Variants in PRPH2 observed in about 807,000 individuals in gnomAD.
The protein encoded by PRPH2 is peripherin-2.
PRPH2 carries 17 observed loss-of-function variants against 31.3 expected under a neutral mutation model. That is an observed-to-expected ratio of 0.54 (90% CI 0.37 to 0.81). The LOEUF (loss-of-function observed/expected upper bound fraction) is 0.81. Among genes scored for constraint, PRPH2 ranks in the 40% least tolerant of loss-of-function variants. The pLI is 0.00. For synonymous variants in PRPH2, 165 were observed against 184.4 expected, an observed-to-expected ratio of 0.89 and a Z score of 0.85; for missense variants, 430 against 439.7, an observed-to-expected ratio of 0.98 and a Z score of 0.20.
At chr6:42,707,205 A>G (rs1204923640) in intron 1 of PRPH2, among the ~76,000 whole-genome samples, 1 of 151,678 alleles carries the variant, frequency 6.6e-6, no homozygotes, top group Non-Finnish European at 1.5e-5. Context: ...CGGCTGAGAT[A>G]TTTTCGTATC....
rs886061403 is a variant in PRPH2, at chr6:42,698,141, G to A, written c.*154C>T. On this transcript the variant is annotated 3_prime_UTR_variant, in exon 3 of 3. Transcript: ENST00000230381. The stretch of plus-strand genomic sequence containing the variant: ...CAACTGTGTGTCAAATGCTTTTAGG[G>A]ACCCTAAACTTAAATTCCACCGTCA... 5.9e-6 allele frequency: 6 copies of A among 1,012,684 alleles called. No homozygotes were observed. The highest frequency in any genetic ancestry group is 6.5e-4 in the Middle Eastern group (2 of 3,056). The allele number at this position is 1,012,684 out of a possible 1,614,324, so 62.7% of individuals were successfully genotyped here. A position where few individuals can be genotyped will look rare whatever the true frequency, so the allele number is the denominator to read the frequency against.
intron 1 of PRPH2, among the ~76,000 whole-genome samples, chr6:42,717,184 A>G (rs1470355828): frequency 1.5e-4 from 23 of 149,714 alleles, no homozygotes; most frequent in Non-Finnish European, 4.5e-5. Context: ...AGGCCAAGGA[A>G]GGTGGATCAC....
chr6:42,698,565 A>G (rs1488292203), intron 2 of PRPH2, 58 bp from the exon 3 acceptor site: 4 of 1,605,800 alleles, frequency 2.5e-6, no homozygotes, highest in Non-Finnish European at 3.4e-6. Flanking sequence ...GAGCTGGACC[A>G]TTAGGAAACC....
intron 1 of PRPH2, chr6:42,711,871 C>T (rs1761653361): frequency 1.0e-6 from 1 of 985,246 alleles, no homozygotes; most frequent in Non-Finnish European, 1.2e-6. Context: ...TTCCTGGTTC[C>T]AAAATGTCTG....
At chr6:42,717,524 A>G (rs1322172568) in intron 1 of PRPH2, among the ~76,000 whole-genome samples, 1 of 152,104 alleles carries the variant, frequency 6.6e-6, no homozygotes, top group Non-Finnish European at 1.5e-5. Context: ...CCAGAAGGTA[A>G]ATGCTTACCA....
intron 1 of PRPH2, among the ~76,000 whole-genome samples, chr6:42,705,599 A>AAAAAAAAAAATATATATATAT (rs1562424252): frequency 4.6e-5 from 1 of 21,594 alleles, no homozygotes; most frequent in African/African-American, 1.8e-4. Flanking sequence ...AAAAAAAAAA[A>AAAAAAAAAAATATATATATAT]ATATATATAT....
At chr6:42,715,468 C>T (rs917239790) in intron 1 of PRPH2, among the ~76,000 whole-genome samples, 7 of 152,042 alleles carry the variant, frequency 4.6e-5, no homozygotes, top group East Asian at 1.9e-4. Context: ...GTCAGAAGTT[C>T]GAGGCCAGCC....
chr6:42,717,839 A>T (rs115709622), intron 1 of PRPH2, among the ~76,000 whole-genome samples: 1 of 152,050 alleles, frequency 6.6e-6, no homozygotes, highest in Admixed American at 6.6e-5. Context: ...CAGGAGCCTC[A>T]CTTCCCTCGC....
chr6:42,721,739 C>T lies in PRPH2; in HGVS notation c.581+15G>A, dbSNP rs751049619. ...TATATTCATAGCTCTGACCCCAGGA[C>T]TGGAAGCCACTCACTCTTTGACTTC... On this transcript the variant is annotated intron_variant, in intron 1 of 2. Coordinates refer to ENST00000230381, the MANE Select transcript of PRPH2 (RefSeq NM_000322.5). 2.5e-6 allele frequency: 4 copies of T among 1,614,006 alleles called. No individual in the cohort carries two copies. The South Asian group carries it at 3.3e-5, about 13-fold the overall frequency.
chr6:42,705,599 A>AAAAAAATATATATATAT (rs1562424252), intron 1 of PRPH2, among the ~76,000 whole-genome samples: 6 of 21,530 alleles, frequency 2.8e-4, no homozygotes, highest in African/African-American at 5.5e-4. Context: ...AAAAAAAAAA[A>AAAAAAATATATATATAT]ATATATATAT....
At chr6:42,699,047 CTTTTTT>C (rs759173553) in intron 2 of PRPH2, among the ~76,000 whole-genome samples, 453 of 38,486 alleles carry the variant, frequency 0.012, 2 homozygotes, top group South Asian at 0.022. Context: ...TGTGGTACTT[CTTTTTT>C]TTTTTTTTTT....
chr6:42,698,272 G>A lies in PRPH2; in HGVS notation c.*23C>T, dbSNP rs1400553449. The stretch of plus-strand genomic sequence containing the variant: ...GGAGTGCACTATTTCTCAGTGTTCG[G>A]GAGGGGAGGGGCCCCAGGGCCCTCA... On this transcript the variant is annotated 3_prime_UTR_variant, in exon 3 of 3. Transcript: ENST00000230381. 2 of 1,613,070 alleles carry A rather than the reference G, an allele frequency of 1.2e-6. No individual in the cohort carries two copies. Among genetic ancestry groups the A allele is most frequent in the South Asian group, 2.2e-5 (2 of 91,036 alleles).
At chr6:42,717,190 A>G (rs995441682) in intron 1 of PRPH2, among the ~76,000 whole-genome samples, 3 of 150,648 alleles carry the variant, frequency 2.0e-5, no homozygotes, top group Non-Finnish European at 4.4e-5. Context: ...AGGAAGGTGG[A>G]TCACTTGAGG....
chr6:42,708,519 G>T lies in PRPH2; in HGVS notation c.582-3908C>A, dbSNP rs1036168920. 3.9e-4 allele frequency among the ~76,000 whole-genome samples: 60 copies of T among 152,202 alleles called. 1 individual carries two copies. Among genetic ancestry groups the T allele is most frequent in the South Asian group, 6.2e-4 (3 of 4,832 alleles). On this transcript the variant is annotated intron_variant, in intron 1 of 2. Transcript: ENST00000230381. ...CGCTCCCCTCTACTGGCCCTCTGGA[G>T]GGGCCAGTAGCCCTGGACACACTGA...
chr6:42,705,554 C>T (rs1466846718), intron 1 of PRPH2, among the ~76,000 whole-genome samples: 1 of 113,598 alleles, frequency 8.8e-6, no homozygotes, highest in Non-Finnish European at 1.8e-5. Context: ...TCAGCCTGGG[C>T]AACAGAACAA....
intron 1 of PRPH2, among the ~76,000 whole-genome samples, chr6:42,714,057 C>T (rs1761728161): frequency 6.6e-6 from 1 of 151,694 alleles, no homozygotes; most frequent in African/African-American, 2.4e-5. Context: ...CATTTAATGC[C>T]GAATGTATGC....
rs1367940496 is a variant in PRPH2 at position 42,697,295 on chromosome 6, G to C, written c.*1000C>G. 2.0e-5 allele frequency: 3 copies of C among 152,316 alleles called. No homozygotes were observed. The East Asian group carries it at 5.8e-4, about 29-fold the overall frequency. 9.4% of individuals were successfully genotyped at this position (152,316 alleles called of 1,614,324 possible). A position where few individuals can be genotyped will look rare whatever the true frequency, so the allele number is the denominator to read the frequency against. On this transcript the variant is annotated 3_prime_UTR_variant, in exon 3 of 3. Coordinates refer to ENST00000230381, the MANE Select transcript of PRPH2 (RefSeq NM_000322.5). ...TAGTGTTTTTCAAGATGGGTATCTG[G>C]GGGGAAGAAACGGAAGAAGCTCCCA...
chr6:42,708,225 T>C (rs932912569), intron 1 of PRPH2, among the ~76,000 whole-genome samples: 2 of 152,122 alleles, frequency 1.3e-5, no homozygotes, highest in Admixed American at 1.3e-4. Context: ...CTACCAGCTG[T>C]GGCAAAGAAG....
rs532047694 is a variant in PRPH2, at chr6:42,700,010, G to A, written c.829-1503C>T. On this transcript the variant is annotated intron_variant, in intron 2 of 2. Transcript: ENST00000230381. Reference sequence around the variant, plus strand: ...GTCTCGCTCTGTCACCCAGGCTGGAGTGCAGTGGCACGATCTTGGCTCACT... The same window carrying A: ...GTCTCGCTCTGTCACCCAGGCTGGAATGCAGTGGCACGATCTTGGCTCACT... 8.8e-5 allele frequency among the ~76,000 whole-genome samples: 13 copies of A among 147,100 alleles called. No individual in the cohort carries two copies. The South Asian group carries it at 2.8e-3, about 31-fold the overall frequency.
Sources: allele counts gnomAD v4.1 joint callset (sites outside exome capture counted in the v4.1 genomes callset), GRCh38; gene constraint gnomAD v4.1.1; transcripts MANE v1.5; gene names NCBI Gene and HGNC (gene_info 2026-07-23, HGNC 2026-07-21).